The following PHLPP1 variants were observed in gnomAD, a reference collection of about 807,000 sequenced individuals.
PHLPP1 encodes the protein PH domain and leucine rich repeat protein phosphatase 1.
A neutral mutation model predicts 117.2 loss-of-function variants in PHLPP1; 42 were observed. The ratio of observed to expected loss-of-function variants is 0.36; its 90% CI spans 0.28 to 0.46. PHLPP1 has a LOEUF of 0.46. Ranked by LOEUF, PHLPP1 falls within the 20% of genes least tolerant of loss-of-function variation. The pLI is 1.00. For missense variants in PHLPP1, 2,084 were observed against 2,241.9 expected (o/e 0.93, Z 1.42); for synonymous variants, 1,042 against 970.7 (o/e 1.07, Z -1.37).
chr18:62,722,129 A>T (rs1910938861), intron 1 of PHLPP1, among the ~76,000 whole-genome samples: 1 of 152,208 alleles, frequency 6.6e-6, no homozygotes, highest in African/African-American at 2.4e-5. Flanking sequence ...TAGATGTGCT[A>T]CATACTATTA....
intron 1 of PHLPP1, among the ~76,000 whole-genome samples, chr18:62,817,002 T>C (rs2144317130): frequency 6.6e-6 from 1 of 152,306 alleles, no homozygotes; most frequent in South Asian, 2.1e-4. Context: ...AGTGCAGTGG[T>C]GTGACTTTGA....
At position 62,978,964 on chromosome 18, in the gene PHLPP1, G is replaced by T; in HGVS notation, c.4687G>T (p.Val1563Leu). ...GGGCGTCTTCACCAACGGCAGCCGG[G>T]TGGAGGTGGAGGTGGACATCCACTG... ...IEGVFTNGSR[V>L]EVEVDIHCSR... Residue 1563 changes from valine to leucine, a missense_variant, in exon 17 of 17, where the codon GTG (valine) becomes TTG (leucine). Physicochemically the swap from Val to Leu is conservative, Grantham distance 32. Transcript: ENST00000262719. The surrounding 1 kb of genome is among the most constrained non-coding windows in gnomAD (Gnocchi z 7.0). 6.2e-7 allele frequency: 1 copy of T among 1,610,874 alleles called. No individual in the cohort carries two copies. The highest frequency in any genetic ancestry group is 8.5e-7 in the Non-Finnish European group (1 of 1,178,694).
At chr18:62,874,401 T>C (rs890755159) in intron 4 of PHLPP1, among the ~76,000 whole-genome samples, 2 of 151,758 alleles carry the variant, frequency 1.3e-5, no homozygotes, top group South Asian at 4.2e-4. Flanking sequence ...CCCAGGTATT[T>C]GGGAGGCTGA....
At position 62,830,045 on chromosome 18, in the gene PHLPP1, C is replaced by T. The variant is rs370875793; in HGVS notation, c.1587C>T (p.His529=). 8.7e-6 allele frequency: 14 copies of T among 1,604,238 alleles called. No individual in the cohort carries two copies. The highest frequency in any genetic ancestry group is 1.7e-4 in the Middle Eastern group (1 of 6,050). ...TTCTGTTTATTTCAGGAAAACCTCA[C>T]AGCACGGGTAGCTCTGAACGGATTC... ...CLIRFYAGKP[H]STGSSERIQL... The change falls in exon 2 of 17, where the codon CAC becomes CAT. Residue 529 remains histidine (H), a synonymous_variant. Transcript: ENST00000262719.
chr18:62,743,929 T>C (rs1328738499), intron 1 of PHLPP1, among the ~76,000 whole-genome samples: 1 of 152,174 alleles, frequency 6.6e-6, no homozygotes, highest in African/African-American at 2.4e-5. Context: ...TTTTTAATTT[T>C]TTTGAGTTTT....
chr18:62,920,609 G>A (rs540344554), intron 10 of PHLPP1, among the ~76,000 whole-genome samples: 15 of 152,290 alleles, frequency 9.8e-5, no homozygotes, highest in African/African-American at 3.6e-4. Context: ...GCCTACGCTG[G>A]AGTGCAGTGG....
chr18:62,799,622 C>G (rs1039803337), intron 1 of PHLPP1, among the ~76,000 whole-genome samples: 1 of 152,134 alleles, frequency 6.6e-6, no homozygotes, highest in South Asian at 2.1e-4. Flanking sequence ...GATCTTCCTG[C>G]TGTATTTTCC....
chr18:62,853,430 C>T (rs754197261), intron 3 of PHLPP1, among the ~76,000 whole-genome samples: 5 of 150,830 alleles, frequency 3.3e-5, no homozygotes, highest in South Asian at 2.1e-4. Context: ...AGTGCAGTGG[C>T]GCAATCTTGG....
intron 3 of PHLPP1, among the ~76,000 whole-genome samples, chr18:62,849,821 A>AT (rs1915282154): frequency 1.1e-5 from 1 of 94,752 alleles, no homozygotes; most frequent in South Asian, 3.7e-4. Flanking sequence ...AAAAAAAAAA[A>AT]AAAAAAAAAA....
chr18:62,747,202 T>A (rs1911701411), intron 1 of PHLPP1, among the ~76,000 whole-genome samples: 1 of 152,060 alleles, frequency 6.6e-6, no homozygotes, highest in Admixed American at 6.5e-5. Context: ...CAATTAGTTT[T>A]GTTAGGAGTT....
chr18:62,953,143 T>C (rs749408007), intron 12 of PHLPP1, among the ~76,000 whole-genome samples: 1 of 152,238 alleles, frequency 6.6e-6, no homozygotes, highest in Non-Finnish European at 1.5e-5. Context: ...TACATATGTG[T>C]GCATATTTAT....
intron 1 of PHLPP1, among the ~76,000 whole-genome samples, chr18:62,760,911 G>C (rs1030551972): frequency 6.6e-6 from 1 of 152,176 alleles, no homozygotes; most frequent in Non-Finnish European, 1.5e-5. Context: ...CTAGGCGGGA[G>C]TGCAGTGGCA....
At chr18:62,839,034 C>A in intron 3 of PHLPP1, 125 bp downstream of exon 3, 2 of 946,514 alleles carry the variant, frequency 2.1e-6, no homozygotes, top group Non-Finnish European at 3.1e-6. Flanking sequence ...CAGATACTGC[C>A]AGTGATTAGC....
chr18:62,933,797 A>G (rs1297756109), intron 10 of PHLPP1, among the ~76,000 whole-genome samples: 2 of 152,220 alleles, frequency 1.3e-5, no homozygotes, highest in African/African-American at 4.8e-5. Context: ...AAGAAACAAC[A>G]GAATGAACAG....
chr18:62,967,919 G>A (rs1478251099), intron 14 of PHLPP1, among the ~76,000 whole-genome samples: 4 of 151,702 alleles, frequency 2.6e-5, no homozygotes, highest in African/African-American at 9.7e-5. Flanking sequence ...CCGCCTCCCG[G>A]GTTCAAGCAG....
intron 1 of PHLPP1, among the ~76,000 whole-genome samples, chr18:62,720,715 T>G (rs1319350743): frequency 6.6e-6 from 1 of 152,094 alleles, no homozygotes; most frequent in East Asian, 1.9e-4. Context: ...AAATTTTTTT[T>G]TTAGTATTTT....
intron 14 of PHLPP1, among the ~76,000 whole-genome samples, chr18:62,966,507 G>A (rs1016871745): frequency 1.7e-5 from 2 of 120,308 alleles, no homozygotes; most frequent in East Asian, 4.8e-4. Context: ...GTCTTGTGCC[G>A]TTGCCCAGGC....
chr18:62,738,608 T>G (rs757212833), intron 1 of PHLPP1, among the ~76,000 whole-genome samples: 7 of 152,224 alleles, frequency 4.6e-5, no homozygotes, highest in Non-Finnish European at 8.8e-5. Flanking sequence ...ACCACTTGGA[T>G]AGCAAGGGAT....
At position 62,799,577 on chromosome 18, in the gene PHLPP1, A is replaced by G. The variant is rs191988833; in HGVS notation, c.1577-30458A>G. Among the ~76,000 whole-genome samples, 60 of 152,342 alleles carry G rather than the reference A, an allele frequency of 3.9e-4. No individual in the cohort carries two copies. In the South Asian group the frequency reaches 7.7e-3, roughly 19 times the overall value. ...TAAAGAATGAGAGCATCTGGAATAG[A>G]AAGAATGATAGTTGCACAGTGTGCA... On this transcript the variant is annotated intron_variant, in intron 1 of 16. Coordinates refer to ENST00000262719, the MANE Select transcript of PHLPP1 (RefSeq NM_194449.4).
Sources: gnomAD v4.1 joint callset for allele counts (sites outside exome capture counted in the v4.1 genomes callset) on GRCh38, gnomAD v4.1.1 for gene constraint, Gnocchi (gnomAD v3.1) non-coding constraint, MANE v1.5 for transcripts, NCBI Gene and HGNC (gene_info 2026-07-23, HGNC 2026-07-21) for gene names.